The following SRC variants were observed in gnomAD, a reference collection of about 807,000 sequenced individuals.
SRC encodes SRC proto-oncogene, non-receptor tyrosine kinase.
SRC carries 13 observed loss-of-function variants against 62.9 expected under a neutral mutation model. That is an observed-to-expected ratio of 0.21 (90% CI 0.13 to 0.33). SRC has a LOEUF of 0.33. Among genes scored for constraint, SRC ranks in the 10% least tolerant of loss-of-function variants. The pLI is 1.00. For missense variants in SRC, 457 were observed against 737.3 expected, an observed-to-expected ratio of 0.62 and a Z score of 4.40; for synonymous variants, 302 against 317.5, an observed-to-expected ratio of 0.95 and a Z score of 0.52.
intron 2 of SRC, among the ~76,000 whole-genome samples, chr20:37,374,459 GTTAAC>G (rs2070245272): frequency 6.6e-6 from 1 of 151,822 alleles, no homozygotes; most frequent in South Asian, 2.1e-4. Context: ...ATTTGGGAAT[GTTAAC>G]TTAATTCCCT....
chr20:37,402,337 TG>T lies in SRC; in HGVS notation c.1117-94del. 1 of 1,433,354 alleles carries T rather than the reference TG, an allele frequency of 7.0e-7. No homozygotes were observed. The highest frequency in any genetic ancestry group is 9.5e-7 in the Non-Finnish European group (1 of 1,057,582). The allele number at this position is 1,433,354 out of a possible 1,614,324, so 88.8% of individuals were successfully genotyped here. On this transcript the variant is annotated intron_variant, in intron 11 of 13. Coordinates refer to ENST00000373578, the MANE Select transcript of SRC (RefSeq NM_198291.3). The surrounding 1 kb of genome is among the most constrained non-coding windows in gnomAD (Gnocchi z 6.2). ...CTTGCCTGAAGAAGTGTGGGGAGGG[TG>T]GGGAAGGGGTGGTTGGCTCTCCAGC...
At chr20:37,363,249 G>C (rs764241489) in intron 1 of SRC, among the ~76,000 whole-genome samples, 1 of 152,172 alleles carries the variant, frequency 6.6e-6, no homozygotes, top group African/African-American at 2.4e-5. Flanking sequence ...GCAGGCCTTC[G>C]TGACTTGCAT....
chr20:37,348,387 C>T lies in SRC; in HGVS notation c.-247+2132C>T, dbSNP rs75032237. On this transcript the variant is annotated intron_variant, in intron 1 of 13. Transcript: ENST00000373578. ...TGTTGAGGGACCTTCTGCCCATCTC[C>T]GTGGTCCTCAGCTGACCCCATTTTC... Among the ~76,000 whole-genome samples, 1,501 of 152,274 alleles carry T rather than the reference C, an allele frequency of 9.9e-3. 129 individuals are homozygous for T. The East Asian group carries it at 0.21, about 22-fold the overall frequency.
Position 37,397,979 on chromosome 20 carries a change from G to A in SRC, c.859+125G>A. 1 of 1,276,332 alleles carries A rather than the reference G, an allele frequency of 7.8e-7. No homozygotes were observed. The highest frequency in any genetic ancestry group is 1.1e-6 in the Non-Finnish European group (1 of 946,280). The allele number at this position is 1,276,332 out of a possible 1,614,324, so 79.1% of individuals were successfully genotyped here. A position where few individuals can be genotyped will look rare whatever the true frequency, so the allele number is the denominator to read the frequency against. The stretch of plus-strand genomic sequence containing the variant: ...GATGACGGGGCCCTGTTGTAAATCT[G>A]GAGCTCCCCAGCGGTGGCTGGCACC... On this transcript the variant is annotated intron_variant, in intron 9 of 13. Transcript: ENST00000373578. The surrounding 1 kb of genome is among the most constrained non-coding windows in gnomAD (Gnocchi z 4.1).
intron 1 of SRC, among the ~76,000 whole-genome samples, chr20:37,350,438 G>GGTAAGGCTAACAAGAGGATGGT (rs2069785113): frequency 6.6e-6 from 1 of 152,184 alleles, no homozygotes; most frequent in African/African-American, 2.4e-5. Context: ...GCTTGTACCT[G>GGTAAGGCTAACAAGAGGATGGT]GTAAGGCTAA....
chr20:37,384,728 G>T lies in SRC; in HGVS notation c.250+325G>T, dbSNP rs2070424219. 6.6e-6 allele frequency among the ~76,000 whole-genome samples: 1 copy of T among 152,162 alleles called. No individual in the cohort carries two copies. The highest frequency in any genetic ancestry group is 2.1e-4 in the South Asian group (1 of 4,834). On this transcript the variant is annotated intron_variant, in intron 4 of 13. Coordinates refer to ENST00000373578, the MANE Select transcript of SRC (RefSeq NM_198291.3). This position sits in a 1 kb window ranked among gnomAD's most constrained non-coding sequence, Gnocchi z 6.7. ...CTGCCTTGGCGCCCAGTCCTTTTTC[G>T]TTGCCTGGGTCCGCCCAGAGATGAG...
chr20:37,393,107 CCTT>C (rs1157854555), intron 5 of SRC, among the ~76,000 whole-genome samples: 5 of 152,216 alleles, frequency 3.3e-5, no homozygotes, highest in African/African-American at 7.2e-5. Context: ...ACCCCCCACT[CCTT>C]CTCCTCACTT....
chr20:37,350,900 G>A (rs541897409), intron 1 of SRC, among the ~76,000 whole-genome samples: 118 of 152,326 alleles, frequency 7.7e-4, no homozygotes, highest in South Asian at 1.7e-3. Context: ...TGTGTGCCAT[G>A]AGTTTGTCAT....
rs2147050555 is a variant in SRC at position 37,384,325 on chromosome 20, G to T, written c.172G>T (p.Ala58Ser). ...RGPSAAFAPAAAEPKLFGGFN... is the reference protein window; with the variant it reads ...RGPSAAFAPASAEPKLFGGFN... ...CCCCAGCGCGGCCTTCGCCCCCGCG[G>T]CCGCCGAGCCCAAGCTGTTCGGAGG... The change falls in exon 4 of 14, where the codon GCC becomes TCC. Residue 58 changes from alanine to serine, a missense_variant. Ala to Ser is a moderately conservative substitution (Grantham distance 99). This residue lies in a region of SRC where 132 missense variants were observed against 135.4 expected (regional missense o/e 0.98). Coordinates refer to ENST00000373578, the MANE Select transcript of SRC (RefSeq NM_198291.3). The surrounding 1 kb of genome is among the most constrained non-coding windows in gnomAD (Gnocchi z 6.7). 1 of 1,465,566 alleles carries T rather than the reference G, an allele frequency of 6.8e-7. No homozygotes were observed. The highest frequency in any genetic ancestry group is 9.0e-7 in the Non-Finnish European group (1 of 1,113,966). The allele number at this position is 1,465,566 out of a possible 1,614,324, so 90.8% of individuals were successfully genotyped here.
intron 2 of SRC, among the ~76,000 whole-genome samples, chr20:37,367,239 ATT>A (rs534752899): frequency 1.4e-5 from 2 of 141,796 alleles, no homozygotes; most frequent in African/African-American, 2.6e-5. Flanking sequence ...CGCCTGGCTA[ATT>A]TTTTTTTTTT....
intron 1 of SRC, among the ~76,000 whole-genome samples, chr20:37,350,146 T>C (rs1279400482): frequency 6.6e-6 from 1 of 152,178 alleles, no homozygotes; most frequent in Non-Finnish European, 1.5e-5. Context: ...TTCCCCTCCA[T>C]GGCCCCCACC....
Position 37,398,078 on chromosome 20 carries a change from C to T in SRC, c.859+224C>T, listed in dbSNP as rs1364667026. ...ATAGTGCCTGATTCCAAGATCCGCACAGGGCTGGGCATTGCACAGACCTGC... is the reference window on the plus strand; with the variant it reads ...ATAGTGCCTGATTCCAAGATCCGCATAGGGCTGGGCATTGCACAGACCTGC... On this transcript the variant is annotated intron_variant, in intron 9 of 13. Coordinates refer to ENST00000373578, the MANE Select transcript of SRC (RefSeq NM_198291.3). This position sits in a 1 kb window ranked among gnomAD's most constrained non-coding sequence, Gnocchi z 5.2. Among the ~76,000 whole-genome samples, 2 of 152,220 alleles carry T rather than the reference C, an allele frequency of 1.3e-5. No individual in the cohort carries two copies. Among genetic ancestry groups the T allele is most frequent in the Non-Finnish European group, 2.9e-5 (2 of 68,040 alleles).
upstream of SRC, among the ~76,000 whole-genome samples, chr20:37,345,244 G>A (rs1057438877): frequency 1.3e-5 from 2 of 152,300 alleles, no homozygotes; most frequent in Admixed American, 1.3e-4. Flanking sequence ...GGAGCCAAGG[G>A]TGGGGTGCCC....
intron 1 of SRC, among the ~76,000 whole-genome samples, chr20:37,349,909 C>T (rs867954650): frequency 1.3e-5 from 2 of 152,202 alleles, no homozygotes; most frequent in African/African-American, 2.4e-5. Context: ...TCCCATTTTC[C>T]GGTTGTAAGT....
chr20:37,389,882 T>G (rs1380223154), intron 5 of SRC, among the ~76,000 whole-genome samples: 2 of 152,000 alleles, frequency 1.3e-5, no homozygotes, highest in African/African-American at 2.4e-5. Flanking sequence ...TTCCCTTCCT[T>G]CCCTGCTTGC....
intron 2 of SRC, among the ~76,000 whole-genome samples, chr20:37,368,535 T>G (rs1159479420): frequency 1.1e-4 from 14 of 124,536 alleles, no homozygotes; most frequent in Middle Eastern, 7.8e-3. Flanking sequence ...TTTTTTTTTT[T>G]TTTTTTTTGT....
intron 2 of SRC, among the ~76,000 whole-genome samples, chr20:37,380,595 T>G (rs1285631040): frequency 6.6e-6 from 1 of 152,190 alleles, no homozygotes; most frequent in Non-Finnish European, 1.5e-5. Context: ...GGATGCAAAT[T>G]ATACATCCAT....
Position 37,394,161 on chromosome 20 carries a change from C to T in SRC, c.450-13C>T. On this transcript the variant is annotated splice_polypyrimidine_tract_variant and intron_variant, in intron 6 of 13. Coordinates refer to ENST00000373578, the MANE Select transcript of SRC (RefSeq NM_198291.3). ...TGGACAGTCAGCACCATCCTCCGTCCTCCCACCCCCAGGTGGTATTTTGGC... is the reference window on the plus strand; with the variant it reads ...TGGACAGTCAGCACCATCCTCCGTCTTCCCACCCCCAGGTGGTATTTTGGC... 1.2e-6 allele frequency: 2 copies of T among 1,611,050 alleles called. No homozygotes were observed. Among genetic ancestry groups the T allele is most frequent in the South Asian group, 1.1e-5 (1 of 91,026 alleles).
At chr20:37,365,808 G>A (rs1600970025) in intron 2 of SRC, among the ~76,000 whole-genome samples, 1 of 152,126 alleles carries the variant, frequency 6.6e-6, no homozygotes, top group East Asian at 1.9e-4. Context: ...AGTCTCGAAT[G>A]CCTGTGCTCA....
Sources: allele counts gnomAD v4.1 joint callset (sites outside exome capture counted in the v4.1 genomes callset), GRCh38; gene constraint gnomAD v4.1.1; regional missense constraint gnomAD v4.1.1; non-coding constraint Gnocchi (gnomAD v3.1); transcripts MANE v1.5; gene names NCBI Gene and HGNC (gene_info 2026-07-23, HGNC 2026-07-21).